Variants in CERS6 observed in about 807,000 individuals in gnomAD.
CERS6 encodes the protein LAG1 homolog, ceramide synthase 6.
Under a neutral mutation model 56.8 loss-of-function variants are expected in CERS6, and 26 were observed. The observed-to-expected ratio is 0.46, with a 90% CI of 0.34 to 0.63. The LOEUF is 0.63. CERS6 is among the 30% of genes least tolerant of loss of function. The pLI is 0.01. For missense variants in CERS6, 415 were observed against 467.5 expected (o/e 0.89, Z 1.04); for synonymous variants, 164 against 173.3 (o/e 0.95, Z 0.42).
chr2:168,709,984 C>T (rs1429750483), intron 6 of CERS6, among the ~76,000 whole-genome samples: 1 of 152,154 alleles, frequency 6.6e-6, no homozygotes, highest in Non-Finnish European at 1.5e-5. Context: ...TAAAAGGTGA[C>T]ATCCATTATT....
At position 168,580,125 on chromosome 2, in the gene CERS6, T is replaced by C. The variant is rs150691432; in HGVS notation, c.407+18803T>C. Among the ~76,000 whole-genome samples the C allele has an allele frequency of 8.9e-4, 136 of 152,356 alleles. 2 individuals carry two copies. Among genetic ancestry groups the C allele is most frequent in the African/African-American group, 2.7e-3 (111 of 41,584 alleles). On this transcript the variant is annotated intron_variant, in intron 3 of 9. Coordinates refer to ENST00000305747, the MANE Select transcript of CERS6 (RefSeq NM_203463.3). ...AAACCTAATACAAGTAGAATGTGCTTAGATGTGTTTCTTATAGATAACATA... is the reference window on the plus strand; with the variant it reads ...AAACCTAATACAAGTAGAATGTGCTCAGATGTGTTTCTTATAGATAACATA...
intron 3 of CERS6, among the ~76,000 whole-genome samples, chr2:168,565,731 A>AT (rs1574069531): frequency 6.6e-6 from 1 of 152,128 alleles, no homozygotes; most frequent in African/African-American, 2.4e-5. Context: ...CATTGACATG[A>AT]TTTTTTTTCT....
intron 4 of CERS6, among the ~76,000 whole-genome samples, chr2:168,663,248 T>G (rs1194692090): frequency 6.6e-6 from 1 of 152,234 alleles, no homozygotes; most frequent in Non-Finnish European, 1.5e-5. Flanking sequence ...CTTTTAAAAA[T>G]GCATTATTAG....
intron 6 of CERS6, among the ~76,000 whole-genome samples, chr2:168,696,413 A>AATAGACTT (rs1686648697): frequency 1.3e-5 from 2 of 152,208 alleles, no homozygotes; most frequent in South Asian, 4.1e-4. Context: ...GTAGTCTCTT[A>AATAGACTT]AACAGTCTTT....
At chr2:168,641,896 A>T (rs1268970748) in intron 4 of CERS6, among the ~76,000 whole-genome samples, 1 of 462 alleles carries the variant, frequency 2.2e-3, no homozygotes, top group Non-Finnish European at 0.029. Context: ...TAATGGAATA[A>T]AAAAAAAAAA....
chr2:168,706,097 A>C (rs1559060611), intron 6 of CERS6, among the ~76,000 whole-genome samples: 1 of 152,166 alleles, frequency 6.6e-6, no homozygotes, highest in African/African-American at 2.4e-5. Context: ...ATGAATAGAA[A>C]GACATATGTA....
chr2:168,589,203 C>A (rs1256966740), intron 3 of CERS6, among the ~76,000 whole-genome samples: 2 of 152,332 alleles, frequency 1.3e-5, no homozygotes, highest in East Asian at 3.9e-4. Context: ...TTGCCCGTAC[C>A]TTTTACTTTG....
chr2:168,633,346 T>G (rs991675827), intron 4 of CERS6, among the ~76,000 whole-genome samples: 2 of 152,188 alleles, frequency 1.3e-5, no homozygotes, highest in African/African-American at 4.8e-5. Context: ...AGAATTCATC[T>G]GACTGAAATA....
chr2:168,748,107 G>C (rs189433996), intron 8 of CERS6, among the ~76,000 whole-genome samples: 1 of 152,284 alleles, frequency 6.6e-6, no homozygotes, highest in Non-Finnish European at 1.5e-5. Flanking sequence ...ATGCTACCCA[G>C]ATGCCACCTA....
intron 8 of CERS6, among the ~76,000 whole-genome samples, chr2:168,748,574 G>A (rs547785075): frequency 6.6e-6 from 1 of 152,294 alleles, no homozygotes; most frequent in East Asian, 1.9e-4. Context: ...CCGAATGGCT[G>A]GCCTGGGGAC....
intron 1 of CERS6, among the ~76,000 whole-genome samples, chr2:168,481,634 A>G (rs975600906): frequency 6.6e-6 from 1 of 152,210 alleles, no homozygotes; most frequent in Admixed American, 6.5e-5. Flanking sequence ...GCTGGCCTTT[A>G]GAATATCATA....
At chr2:168,462,421 C>A (rs1693795059) in intron 1 of CERS6, among the ~76,000 whole-genome samples, 2 of 152,118 alleles carry the variant, frequency 1.3e-5, no homozygotes, top group Admixed American at 1.3e-4. Context: ...TCTTTGGTTT[C>A]TTCCCCCTGG....
chr2:168,696,777 C>T (rs1686658339), intron 6 of CERS6, among the ~76,000 whole-genome samples: 1 of 152,100 alleles, frequency 6.6e-6, no homozygotes, highest in African/African-American at 2.4e-5. Flanking sequence ...CCAAAAGGCC[C>T]CATGTCCTAA....
intron 6 of CERS6, among the ~76,000 whole-genome samples, chr2:168,710,056 A>G (rs1687051763): frequency 6.6e-6 from 1 of 152,216 alleles, no homozygotes; most frequent in African/African-American, 2.4e-5. Context: ...TGCCACGGGC[A>G]TAACTGTGAG....
chr2:168,746,588 G>A (rs928741848), intron 8 of CERS6, among the ~76,000 whole-genome samples: 1 of 151,186 alleles, frequency 6.6e-6, no homozygotes, highest in Non-Finnish European at 1.5e-5. Flanking sequence ...GACACACTAA[G>A]GATACTTACA....
intron 4 of CERS6, among the ~76,000 whole-genome samples, chr2:168,655,527 G>A (rs1206097872): frequency 6.6e-6 from 1 of 152,190 alleles, no homozygotes; most frequent in Non-Finnish European, 1.5e-5. Flanking sequence ...ACACACAATG[G>A]AATATTATTC....
chr2:168,540,752 C>T (rs1360130828), intron 1 of CERS6, among the ~76,000 whole-genome samples: 1 of 152,182 alleles, frequency 6.6e-6, no homozygotes, highest in African/African-American at 2.4e-5. Flanking sequence ...TTATTTTTCC[C>T]TGTATATAGT....
At chr2:168,500,556 A>G (rs958270525) in intron 1 of CERS6, among the ~76,000 whole-genome samples, 1 of 152,250 alleles carries the variant, frequency 6.6e-6, no homozygotes, top group African/African-American at 2.4e-5. Context: ...CCAGAGAATT[A>G]TCATGCTATT....
chr2:168,761,882 T>C (rs1193475522), intron 8 of CERS6, among the ~76,000 whole-genome samples: 1 of 152,074 alleles, frequency 6.6e-6, no homozygotes, highest in East Asian at 1.9e-4. Context: ...CTTGTATTTA[T>C]TAATAAATAT....
Sources: allele counts gnomAD v4.1 joint callset (sites outside exome capture counted in the v4.1 genomes callset), GRCh38; gene constraint gnomAD v4.1.1; transcripts MANE v1.5; gene names NCBI Gene and HGNC (gene_info 2026-07-23, HGNC 2026-07-21).